The following CDK5RAP2 variants were observed in gnomAD, a reference collection of about 807,000 sequenced individuals.
CDK5RAP2 encodes CDK5 regulatory subunit-associated protein 2.
Under a neutral mutation model 232.9 loss-of-function variants are expected in CDK5RAP2, and 147 were observed. The observed-to-expected ratio is 0.63, with a 90% CI of 0.55 to 0.72. The LOEUF is 0.72. Ranked by LOEUF, CDK5RAP2 falls within the 30% of genes least tolerant of loss-of-function variation. The probability of loss-of-function intolerance (pLI) is 0.00; values close to 1 mark genes in which losing one functional copy is unlikely to be tolerated. For synonymous variants in CDK5RAP2, 833 were observed against 833.7 expected (o/e 1.00, Z 0.01); for missense variants, 2,195 against 2,231.5 (o/e 0.98, Z 0.33).
At chr9:120,488,161 C>T (rs1244550377) in intron 13 of CDK5RAP2, among the ~76,000 whole-genome samples, 2 of 152,160 alleles carry the variant, frequency 1.3e-5, no homozygotes, top group Non-Finnish European at 2.9e-5. Context: ...TCTGTCCACT[C>T]TTGTCAAATA....
At chr9:120,480,467 T>C (rs2038242630) in intron 14 of CDK5RAP2, among the ~76,000 whole-genome samples, 1 of 152,342 alleles carries the variant, frequency 6.6e-6, no homozygotes, top group African/African-American at 2.4e-5. Flanking sequence ...GTTGCAGATA[T>C]CTCAAAATAT....
chr9:120,396,474 ACCC>A (rs1158714959), intron 35 of CDK5RAP2, among the ~76,000 whole-genome samples: 1 of 152,150 alleles, frequency 6.6e-6, no homozygotes, highest in African/African-American at 2.4e-5. Flanking sequence ...GGCCTGGCTG[ACCC>A]ATTCCTTGTT....
rs529103922 is a variant in CDK5RAP2 at position 120,517,497 on chromosome 9, T to C, written c.1311+930A>G. Among the ~76,000 whole-genome samples the C allele has an allele frequency of 5.3e-5, 8 of 152,226 alleles. No individual in the cohort carries two copies. In the South Asian group the frequency reaches 1.2e-3, roughly 24 times the overall value. ...AGACCCAGACCCCAATCCTACCTGA[T>C]TGCAACAAGGCTACGTATCTGGATG... is the stretch of plus-strand genomic sequence containing the variant. On this transcript the variant is annotated intron_variant, in intron 12 of 37. Coordinates refer to ENST00000349780, the MANE Select transcript of CDK5RAP2 (RefSeq NM_018249.6).
chr9:120,513,421 C>T (rs964746112), intron 12 of CDK5RAP2, among the ~76,000 whole-genome samples: 31 of 152,198 alleles, frequency 2.0e-4, no homozygotes, highest in African/African-American at 6.3e-4. Flanking sequence ...AGGCTCTCCA[C>T]AAGCCAACTT....
chr9:120,391,476 A>G (rs1009933321), intron 36 of CDK5RAP2, among the ~76,000 whole-genome samples: 3 of 152,186 alleles, frequency 2.0e-5, no homozygotes, highest in African/African-American at 7.2e-5. Context: ...TGCTGGGAAG[A>G]AGGTACCGAC....
At chr9:120,513,897 C>G (rs2040206486) in intron 12 of CDK5RAP2, among the ~76,000 whole-genome samples, 1 of 152,154 alleles carries the variant, frequency 6.6e-6, no homozygotes, top group Admixed American at 6.5e-5. Flanking sequence ...AGCCTAGTTA[C>G]CAGAAACAAG....
intron 14 of CDK5RAP2, among the ~76,000 whole-genome samples, chr9:120,482,989 TCTC>T (rs1366861261): frequency 6.6e-6 from 1 of 151,968 alleles, no homozygotes; most frequent in East Asian, 1.9e-4. Context: ...AACCAGTAGA[TCTC>T]CTCGGCACAC....
At position 120,518,200 on chromosome 9, in the gene CDK5RAP2, TGTGTGTGTGTGAGAGAGA is replaced by T. The variant is rs1249497642; in HGVS notation, c.1311+209_1311+226del. On this transcript the variant is annotated intron_variant, in intron 12 of 37. Coordinates refer to ENST00000349780, the MANE Select transcript of CDK5RAP2 (RefSeq NM_018249.6). ...GTGTGTGTGTGTGTGTGTGTGTGTG[TGTGTGTGTGTGAGAGAGA>T]GAGAGAGAGAGAGAGAGAGAGAGAG... 7.6e-5 allele frequency among the ~76,000 whole-genome samples: 8 copies of T among 104,724 alleles called. No homozygotes were observed. The East Asian group carries it at 1.0e-3, about 13-fold the overall frequency. 68.7% of individuals were successfully genotyped at this position (104,724 alleles called of 152,430 possible). A position where few individuals can be genotyped will look rare whatever the true frequency, so the allele number is the denominator to read the frequency against.
At chr9:120,465,927 A>G (rs781508130) in intron 18 of CDK5RAP2, among the ~76,000 whole-genome samples, 20 of 152,348 alleles carry the variant, frequency 1.3e-4, no homozygotes, top group Non-Finnish European at 2.8e-4. Flanking sequence ...GTGCATCCAC[A>G]TGTTCATACA....
At chr9:120,449,039 GTT>G (rs1249736144) in intron 21 of CDK5RAP2, among the ~76,000 whole-genome samples, 1 of 152,162 alleles carries the variant, frequency 6.6e-6, no homozygotes, top group Admixed American at 6.5e-5. Flanking sequence ...TTGCTTTCCA[GTT>G]CTATCAAGAC....
chr9:120,460,080 G>A (rs1407562691), intron 19 of CDK5RAP2, among the ~76,000 whole-genome samples: 1 of 152,160 alleles, frequency 6.6e-6, no homozygotes. Context: ...GGTTCCAGAT[G>A]AGGAGATTGC....
chr9:120,523,125 C>T (rs1045051787), intron 11 of CDK5RAP2, among the ~76,000 whole-genome samples: 2 of 152,228 alleles, frequency 1.3e-5, no homozygotes, highest in Non-Finnish European at 2.9e-5. Flanking sequence ...AGTTCCTGAT[C>T]TCTGTGTGCT....
intron 20 of CDK5RAP2, among the ~76,000 whole-genome samples, chr9:120,455,519 T>G (rs1272532143): frequency 2.6e-5 from 4 of 152,014 alleles, no homozygotes; most frequent in East Asian, 3.9e-4. Context: ...GGCAGGCAGA[T>G]AGTTTGAGCT....
chr9:120,558,887 T>C (rs1289170514), intron 3 of CDK5RAP2, among the ~76,000 whole-genome samples: 2 of 152,248 alleles, frequency 1.3e-5, no homozygotes, highest in African/African-American at 2.4e-5. Context: ...GCATGTTTAT[T>C]ATTATCATGT....
chr9:120,520,500 G>A (rs904871384), intron 11 of CDK5RAP2, among the ~76,000 whole-genome samples: 1 of 152,026 alleles, frequency 6.6e-6, no homozygotes, highest in African/African-American at 2.4e-5. Flanking sequence ...AAAATTATCC[G>A]GGCATGGTGG....
At chr9:120,524,199 T>C (rs1231058871) in intron 11 of CDK5RAP2, among the ~76,000 whole-genome samples, 2 of 152,222 alleles carry the variant, frequency 1.3e-5, no homozygotes, top group African/African-American at 4.8e-5. Flanking sequence ...AGATAATCTA[T>C]GGGGAGCACT....
At chr9:120,566,010 T>C (rs533587007) in intron 3 of CDK5RAP2, among the ~76,000 whole-genome samples, 2 of 152,322 alleles carry the variant, frequency 1.3e-5, no homozygotes, top group South Asian at 2.1e-4. Context: ...AGGTGACCTA[T>C]GTGTTGCCAG....
Position 120,447,976 on chromosome 9 carries a change from T to C in CDK5RAP2, c.2944A>G (p.Asn982Asp), listed in dbSNP as rs759392123. The change falls in exon 22 of 38, where the codon AAT (asparagine) becomes GAT (aspartate). Residue 982 changes from asparagine (N) to aspartate (D), a missense_variant. Physicochemically the swap from Asn to Asp is conservative, Grantham distance 23. Coordinates refer to ENST00000349780, the MANE Select transcript of CDK5RAP2 (RefSeq NM_018249.6). Reference sequence around the variant, plus strand: ...ATTAACTTTTGGTGAAGTTGCTTATTACAAGTTTTAAACTCCTTCAGCTCC... The same window carrying C: ...ATTAACTTTTGGTGAAGTTGCTTATCACAAGTTTTAAACTCCTTCAGCTCC... The part of the protein sequence containing the change: ...QGELKEFKTC[N>D]KQLHQKLILA... 10 of 1,614,084 alleles carry C rather than the reference T, an allele frequency of 6.2e-6. No individual in the cohort carries two copies. The highest frequency in any genetic ancestry group is 5.3e-5 in the African/African-American group (4 of 74,928).
At chr9:120,528,903 T>C (rs2041025318) in intron 8 of CDK5RAP2, 106 bp from the exon 9 acceptor site, 1 of 797,726 alleles carries the variant, frequency 1.3e-6, no homozygotes, top group Admixed American at 1.9e-5. Flanking sequence ...CTTCCCCCAC[T>C]ACTGTGGAAC....
Sources: gnomAD v4.1 joint callset for allele counts (sites outside exome capture counted in the v4.1 genomes callset) on GRCh38, gnomAD v4.1.1 for gene constraint, MANE v1.5 for transcripts, NCBI Gene and HGNC (gene_info 2026-07-23, HGNC 2026-07-21) for gene names.